Variants in ATXN1 observed in about 807,000 individuals in gnomAD.
ATXN1 encodes the protein ataxin 1, also known as ataxin-1.
Under a neutral mutation model 56.4 loss-of-function variants are expected in ATXN1, and 8 were observed. The ratio of observed to expected loss-of-function variants is 0.14; its 90% CI spans 0.08 to 0.26. The LOEUF is 0.26. Ranked by LOEUF, ATXN1 falls within the 10% of genes least tolerant of loss-of-function variation. ATXN1 has a pLI of 1.00. For synonymous variants in ATXN1, 514 were observed against 494.6 expected, an observed-to-expected ratio of 1.04 and a Z score of -0.52; for missense variants, 987 against 1,106.5, an observed-to-expected ratio of 0.89 and a Z score of 1.53.
intron 6 of ATXN1, among the ~76,000 whole-genome samples, chr6:16,445,481 T>G (rs1206566580): frequency 1.3e-5 from 2 of 152,088 alleles, no homozygotes; most frequent in African/African-American, 4.8e-5. Flanking sequence ...ATTTACCACC[T>G]CTCTGCTTTC....
intron 3 of ATXN1, among the ~76,000 whole-genome samples, chr6:16,602,579 G>C (rs1762931336): frequency 6.6e-6 from 1 of 151,922 alleles, no homozygotes; most frequent in Non-Finnish European, 1.5e-5. Flanking sequence ...AGCCTCCCAA[G>C]TAGCTGGGAC....
chr6:16,538,609 T>G (rs1581830681), intron 4 of ATXN1, among the ~76,000 whole-genome samples: 2 of 120,548 alleles, frequency 1.7e-5, no homozygotes, highest in South Asian at 3.1e-4. Context: ...CAGGCCCCGG[T>G]GTGTGATGTT....
chr6:16,703,840 T>C (rs1383806715), intron 2 of ATXN1, among the ~76,000 whole-genome samples: 2 of 152,148 alleles, frequency 1.3e-5, no homozygotes, highest in Admixed American at 6.5e-5. Context: ...GCCAACATAG[T>C]GAAACCCCGT....
chr6:16,731,335 A>C (rs1044791820), intron 2 of ATXN1, among the ~76,000 whole-genome samples: 1 of 152,026 alleles, frequency 6.6e-6, no homozygotes, highest in African/African-American at 2.4e-5. Context: ...CATTCAGGGG[A>C]AAAAAACATC....
rs142423255 is a variant in ATXN1 at position 16,328,031 on chromosome 6, T to C, written c.280A>G (p.Arg94Gly). The C allele has an allele frequency of 8.1e-6, 13 of 1,613,578 alleles. No individual in the cohort carries two copies. In the African/African-American group the frequency reaches 1.2e-4, roughly 15 times the overall value. Residue 94 changes from arginine (R) to glycine (G), a missense_variant, in exon 7 of 8, where the codon AGG becomes GGG. Coordinates refer to ENST00000436367, the MANE Select transcript of ATXN1 (RefSeq NM_001128164.2). The surrounding 1 kb of genome is among the most constrained non-coding windows in gnomAD (Gnocchi z 6.2). The stretch of plus-strand genomic sequence containing the variant: ...AGCGTGGTGGCCACGGGGACAGACC[T>C]GGGAGCGCTGGGCGGGGAGTAGTCC... ...GLDYSPPSAP[R>G]SVPVATTLPA...
chr6:16,374,065 T>C (rs1762098719), intron 6 of ATXN1, among the ~76,000 whole-genome samples: 1 of 148,138 alleles, frequency 6.8e-6, no homozygotes, highest in Non-Finnish European at 1.5e-5. Context: ...TCTAAAAATG[T>C]AGTAATCACT....
intron 4 of ATXN1, among the ~76,000 whole-genome samples, chr6:16,560,708 T>C (rs2113738503): frequency 6.6e-6 from 1 of 152,316 alleles, no homozygotes; most frequent in East Asian, 1.9e-4. Flanking sequence ...CCCTGGGTTT[T>C]TCACCTTGCC....
At position 16,327,203 on chromosome 6, in the gene ATXN1, A is replaced by G; in HGVS notation, c.1108T>C (p.Tyr370His). The part of the protein sequence containing the change: ...HVVVHPSPSD[Y>H]SSRDPSGVRA... Reference sequence around the variant, plus strand: ...ACCCCCGAAGGATCACGACTGCTGTAGTCTGAGGGGCTCGGGTGGACCACC... The same window carrying G: ...ACCCCCGAAGGATCACGACTGCTGTGGTCTGAGGGGCTCGGGTGGACCACC... The change falls in exon 7 of 8, where the codon TAC (tyrosine) becomes CAC (histidine). Residue 370 changes from tyrosine to histidine, a missense_variant. Physicochemically the swap from Tyr to His is moderately conservative, Grantham distance 83. Coordinates refer to ENST00000436367, the MANE Select transcript of ATXN1 (RefSeq NM_001128164.2). The G allele has an allele frequency of 3.1e-6, 5 of 1,613,872 alleles. No homozygotes were observed. The highest frequency in any genetic ancestry group is 4.2e-6 in the Non-Finnish European group (5 of 1,179,902).
chr6:16,402,619 A>T (rs935117598), intron 6 of ATXN1, among the ~76,000 whole-genome samples: 3 of 152,182 alleles, frequency 2.0e-5, no homozygotes, highest in Non-Finnish European at 4.4e-5. Flanking sequence ...AGCTGGAACA[A>T]ATGATGAAAG....
chr6:16,432,491 T>G (rs1043710510), intron 6 of ATXN1: 1 of 152,182 alleles, frequency 6.6e-6, no homozygotes, highest in African/African-American at 2.4e-5. Flanking sequence ...CAAACAGATT[T>G]AATAGTTAAA....
chr6:16,732,776 A>G (rs1261645218), intron 2 of ATXN1, among the ~76,000 whole-genome samples: 6 of 152,234 alleles, frequency 3.9e-5, no homozygotes, highest in Non-Finnish European at 4.4e-5. Context: ...GTATGCCCTT[A>G]TTAAGTACTT....
In ATXN1 at chr6:16,655,035, A is replaced by G. The variant is rs564248244; in HGVS notation, c.-489+2741T>C. ...TCATTTCTGAAGCTCTGCTTCAGAA[A>G]GGGGATGTTTAGTAAGAAAGAACAA... On this transcript the variant is annotated intron_variant, in intron 3 of 7. Transcript: ENST00000436367. Among the ~76,000 whole-genome samples, 5 of 152,372 alleles carry G rather than the reference A, an allele frequency of 3.3e-5. 1 individual carries two copies. Among genetic ancestry groups the G allele is most frequent in the African/African-American group, 1.2e-4 (5 of 41,590 alleles).
At chr6:16,393,657 G>A (rs1036651384) in intron 6 of ATXN1, among the ~76,000 whole-genome samples, 3 of 152,180 alleles carry the variant, frequency 2.0e-5, no homozygotes, top group African/African-American at 7.2e-5. Flanking sequence ...TTATGGCACT[G>A]ACGTTTTAAG....
At chr6:16,754,687 G>A (rs1364777465) in intron 1 of ATXN1, 1 of 152,146 alleles carries the variant, frequency 6.6e-6, no homozygotes, top group East Asian at 1.9e-4. Flanking sequence ...TTGATTGCCT[G>A]CCGAGGACTG....
intron 2 of ATXN1, among the ~76,000 whole-genome samples, chr6:16,740,803 GATTCGA>G (rs1760314916): frequency 6.6e-6 from 1 of 152,150 alleles, no homozygotes; most frequent in South Asian, 2.1e-4. Flanking sequence ...AAAGCACTGG[GATTCGA>G]GGCATGAGCC....
chr6:16,327,460 C>G lies in ATXN1; in HGVS notation c.851G>C (p.Gly284Ala). 1 of 1,613,476 alleles carries G rather than the reference C, an allele frequency of 6.2e-7. No homozygotes were observed. Among genetic ancestry groups the G allele is most frequent in the African/African-American group, 1.3e-5 (1 of 75,028 alleles). The change falls in exon 7 of 8, where the codon GGG becomes GCG. Residue 284 changes from glycine to alanine, a missense_variant. By Grantham distance (60) the Gly-to-Ala change is moderately conservative. This residue lies in a region of ATXN1 where 723 missense variants were observed against 791.7 expected (regional missense o/e 0.91). Transcript: ENST00000436367. ...QTMIPHTLTL[G>A]PPSQVVMQYA... ...TTGCATGACGACCTGGGAGGGGGGC[C>G]CCAGGGTGAGCGTGTGTGGGATCAT...
intron 6 of ATXN1, among the ~76,000 whole-genome samples, chr6:16,387,999 A>G (rs958626447): frequency 6.6e-6 from 1 of 152,240 alleles, no homozygotes; most frequent in Non-Finnish European, 1.5e-5. Context: ...CTTACCAGTC[A>G]GTGGAGGAGC....
chr6:16,657,257 G>A (rs1025288366), intron 3 of ATXN1, among the ~76,000 whole-genome samples: 1 of 152,146 alleles, frequency 6.6e-6, no homozygotes, highest in African/African-American at 2.4e-5. Flanking sequence ...AAAGTGCTGG[G>A]ATTACAGGCG....
intron 7 of ATXN1, among the ~76,000 whole-genome samples, chr6:16,316,927 C>T (rs1444239123): frequency 7.2e-6 from 1 of 138,728 alleles, no homozygotes; most frequent in Non-Finnish European, 1.5e-5. Context: ...GTGACCTCCC[C>T]CAGGGAGAGG....
Sources: gnomAD v4.1 joint callset for allele counts (sites outside exome capture counted in the v4.1 genomes callset) on GRCh38, gnomAD v4.1.1 for gene constraint, gnomAD v4.1.1 regional missense constraint, Gnocchi (gnomAD v3.1) non-coding constraint, MANE v1.5 for transcripts, NCBI Gene and HGNC (gene_info 2026-07-23, HGNC 2026-07-21) for gene names.